Variants in DCDC2C observed in about 807,000 individuals in gnomAD.
The protein encoded by DCDC2C is doublecortin domain-containing protein 2C.
Under a neutral mutation model 45.0 loss-of-function variants are expected in DCDC2C, and 44 were observed. That is an observed-to-expected ratio of 0.98 (90% confidence interval 0.77 to 1.26). The LOEUF (loss-of-function observed/expected upper bound fraction) is 1.26. Ranked by LOEUF, DCDC2C falls within the 50% of genes most tolerant of loss-of-function variation. The probability of loss-of-function intolerance (pLI) is 0.00; values close to 1 mark genes in which losing one functional copy is unlikely to be tolerated. For synonymous variants in DCDC2C, 187 were observed against 178.8 expected (o/e 1.05, Z -0.37); for missense variants, 447 against 468.9 (o/e 0.95, Z 0.43).
At chr2:3,799,565 T>G (rs371902274) in intron 10 of DCDC2C, among the ~76,000 whole-genome samples, 1 of 148,830 alleles carries the variant, frequency 6.7e-6, no homozygotes, top group African/African-American at 2.5e-5. Context: ...GTCCTTTCTG[T>G]TTGTTAGTTT....
chr2:3,738,420 A>G (rs1374365710), intron 3 of DCDC2C, among the ~76,000 whole-genome samples: 1 of 152,116 alleles, frequency 6.6e-6, no homozygotes, highest in Non-Finnish European at 1.5e-5. Context: ...AGAGTTGAGG[A>G]GAATTCAAAG....
intron 9 of DCDC2C, among the ~76,000 whole-genome samples, chr2:3,779,484 A>G (rs1670451596): frequency 6.6e-6 from 1 of 152,254 alleles, no homozygotes; most frequent in Admixed American, 6.5e-5. Flanking sequence ...TATCGTCCAC[A>G]TAAAATGTGT....
chr2:3,811,597 C>A (rs1671397337), intron 10 of DCDC2C, among the ~76,000 whole-genome samples: 1 of 152,126 alleles, frequency 6.6e-6, no homozygotes, highest in Non-Finnish European at 1.5e-5. Context: ...ATTGCCCTGG[C>A]CAGAACTTCC....
intron 10 of DCDC2C, among the ~76,000 whole-genome samples, chr2:3,826,439 A>G (rs1198266710): frequency 6.6e-6 from 1 of 152,250 alleles, no homozygotes; most frequent in African/African-American, 2.4e-5. Flanking sequence ...TAATTGATAT[A>G]ATGCTTGGGA....
At chr2:3,764,330 T>A (rs1305329369) in intron 6 of DCDC2C, among the ~76,000 whole-genome samples, 1 of 152,250 alleles carries the variant, frequency 6.6e-6, no homozygotes, top group Non-Finnish European at 1.5e-5. Flanking sequence ...ATTAACATTT[T>A]GTTGCTTTCT....
chr2:3,742,271 T>C (rs951673113), intron 4 of DCDC2C, among the ~76,000 whole-genome samples: 1 of 152,226 alleles, frequency 6.6e-6, no homozygotes, highest in Non-Finnish European at 1.5e-5. Flanking sequence ...ATCTACCATG[T>C]GCTAGGGGTG....
At chr2:3,823,102 C>A (rs984035665) in intron 10 of DCDC2C, among the ~76,000 whole-genome samples, 1 of 152,182 alleles carries the variant, frequency 6.6e-6, no homozygotes, top group Non-Finnish European at 1.5e-5. Flanking sequence ...TCTTTATCAG[C>A]AGCATGAAAA....
At chr2:3,777,491 A>G (rs1670375881) in intron 8 of DCDC2C, among the ~76,000 whole-genome samples, 1 of 152,240 alleles carries the variant, frequency 6.6e-6, no homozygotes, top group Admixed American at 6.5e-5. Flanking sequence ...TGAATGAATC[A>G]GTGATTGATA....
intron 10 of DCDC2C, among the ~76,000 whole-genome samples, chr2:3,813,490 T>G (rs1671472797): frequency 1.3e-5 from 2 of 152,150 alleles, no homozygotes; most frequent in Non-Finnish European, 2.9e-5. Flanking sequence ...TTGATCTGTT[T>G]AATACTGACA....
intron 1 of DCDC2C, 60 bp downstream of exon 1, chr2:3,704,098 C>A: frequency 1.6e-6 from 2 of 1,219,226 alleles, no homozygotes; most frequent in Admixed American, 8.5e-5. Flanking sequence ...TGGGTCTGAG[C>A]GTGGTCAGGG....
chr2:3,754,635 G>T lies in DCDC2C; in HGVS notation c.726+1G>T. The T allele has an allele frequency of 6.5e-7, 1 of 1,549,092 alleles. No individual in the cohort carries two copies. Among genetic ancestry groups the T allele is most frequent in the South Asian group, 1.2e-5 (1 of 83,714 alleles). On this transcript the variant is annotated splice_donor_variant, in intron 6 of 10. Coordinates refer to ENST00000399143, the MANE Select transcript of DCDC2C (RefSeq NM_001287444.2). LOFTEE classifies it high-confidence loss of function. ...AAAAAACTCACAGAGAAAGAAAAAA[G>T]TAAGTAACTTTTTAAAACAAGTAAG...
chr2:3,785,888 G>C (rs1319411314), intron 10 of DCDC2C, among the ~76,000 whole-genome samples: 1 of 152,124 alleles, frequency 6.6e-6, no homozygotes, highest in Admixed American at 6.5e-5. Flanking sequence ...GCTCTGCCTG[G>C]CCTTGGCTGC....
chr2:3,776,303 C>G (rs1207390851), intron 8 of DCDC2C, among the ~76,000 whole-genome samples: 3 of 152,144 alleles, frequency 2.0e-5, no homozygotes, highest in Admixed American at 2.0e-4. Flanking sequence ...TGTCTGTCTC[C>G]CCTCATGCGT....
At chr2:3,780,724 T>C (rs1670487418) in intron 9 of DCDC2C, among the ~76,000 whole-genome samples, 1 of 152,132 alleles carries the variant, frequency 6.6e-6, no homozygotes, top group Admixed American at 6.5e-5. Flanking sequence ...CCCAGCCCTG[T>C]CTCCACTGCA....
chr2:3,774,430 G>T (rs1449086544), intron 8 of DCDC2C, among the ~76,000 whole-genome samples: 1 of 152,216 alleles, frequency 6.6e-6, no homozygotes. Flanking sequence ...GGGAGTGGCT[G>T]GGCACCCCAT....
chr2:3,809,868 T>C (rs1224771936), intron 10 of DCDC2C, among the ~76,000 whole-genome samples: 1 of 152,148 alleles, frequency 6.6e-6, no homozygotes, highest in East Asian at 1.9e-4. Flanking sequence ...CCTGTGTTAG[T>C]TTGCTGAGGA....
Position 3,841,266 on chromosome 2 carries a change from A to G in DCDC2C, c.1066-5888A>G, listed in dbSNP as rs186743205. ...GGTGGGTTGCAGGTTGAGTTCTGAA[A>G]GAAAACCAACAGAGCACACAGACGC... On this transcript the variant is annotated intron_variant, in intron 10 of 10. Transcript: ENST00000399143. 4.7e-3 allele frequency among the ~76,000 whole-genome samples: 720 copies of G among 152,302 alleles called. 3 individuals carry two copies. Among genetic ancestry groups the G allele is most frequent in the Admixed American group, 9.9e-3 (151 of 15,296 alleles).
At chr2:3,749,154 C>T (rs1669461669) in intron 4 of DCDC2C, among the ~76,000 whole-genome samples, 2 of 152,184 alleles carry the variant, frequency 1.3e-5, no homozygotes, top group South Asian at 2.1e-4. Context: ...ACTATATCCC[C>T]AATCTTTAAG....
chr2:3,753,040 A>G, intron 5 of DCDC2C, 140 bp downstream of exon 5: 1 of 1,056,554 alleles, frequency 9.5e-7, no homozygotes, highest in Admixed American at 2.9e-5. Flanking sequence ...AATGTATGAT[A>G]CAATTTTAGA....
Sources: gnomAD v4.1 joint callset for allele counts (sites outside exome capture counted in the v4.1 genomes callset) on GRCh38, gnomAD v4.1.1 for gene constraint, MANE v1.5 for transcripts, NCBI Gene and HGNC (gene_info 2026-07-23, HGNC 2026-07-21) for gene names.